GFAP: variants seen among roughly 807,000 people sequenced by gnomAD.
GFAP encodes the protein intermediate filament protein.
GFAP carries 38 observed loss-of-function variants against 49.3 expected under a neutral mutation model. That is an observed-to-expected ratio of 0.77 (90% confidence interval 0.60 to 1.01). The LOEUF is 1.01. GFAP is among the 50% of genes least tolerant of loss of function. The pLI is 0.00. For synonymous variants in GFAP, 222 were observed against 236.4 expected (o/e 0.94, Z 0.56); for missense variants, 463 against 579.1 (o/e 0.80, Z 2.06).
intron 3 of GFAP, 92 bp from the exon 4 acceptor site, chr17:44,913,522 C>A (rs1317030255): frequency 1.4e-6 from 2 of 1,385,136 alleles, no homozygotes; most frequent in African/African-American, 1.4e-5. Flanking sequence ...GCCTGCCCCT[C>A]GGCCAGGAGT....
At chr17:44,907,839 C>T (rs1215345391) in intron 8 of GFAP, 2 of 641,310 alleles carry the variant, frequency 3.1e-6, no homozygotes, top group Admixed American at 2.3e-5. Context: ...GTATTAGGAT[C>T]CCATCTAGTG....
At chr17:44,908,025 G>T (rs201084835) in intron 8 of GFAP, 39 bp downstream of exon 8, 948 of 1,424,670 alleles carry the variant, frequency 6.7e-4, no homozygotes, top group Non-Finnish European at 8.7e-4. Flanking sequence ...GAATCCCTGG[G>T]GCCAGCCAGA....
rs2051671610 is a variant in GFAP, at chr17:44,907,487, C to T, written c.1258-99G>A. ...CTGTGTAACCTTGGGAAGTCCCCGA[C>T]TTCCCAGGTCTTACTTTTCTTGATA... On this transcript the variant is annotated intron_variant, in intron 8 of 8. Transcript: ENST00000588735. 4 of 817,030 alleles carry T rather than the reference C, an allele frequency of 4.9e-6. No individual in the cohort carries two copies. The East Asian group carries it at 1.0e-4, about 21-fold the overall frequency. The allele number at this position is 817,030 out of a possible 1,614,324, so 50.6% of individuals were successfully genotyped here. A position where few individuals can be genotyped will look rare whatever the true frequency, so the allele number is the denominator to read the frequency against.
Position 44,904,304 on chromosome 17 carries a change from G to A in GFAP, c.*3043C>T, listed in dbSNP as rs768237354. 2.1e-5 allele frequency: 33 copies of A among 1,547,468 alleles called. No homozygotes were observed. Among genetic ancestry groups the A allele is most frequent in the Non-Finnish European group, 2.8e-5 (32 of 1,145,462 alleles). On this transcript the variant is annotated 3_prime_UTR_variant, in exon 9 of 9. Transcript: ENST00000588735. ...CCAGGACAAGGGCCAGGAGCCCTTT[G>A]CAGATGAATACTATGGGCACCTCCA... is the stretch of plus-strand genomic sequence containing the variant.
rs2145620328 is a variant in GFAP, at chr17:44,904,696, TC to T, written c.*2650del. On this transcript the variant is annotated 3_prime_UTR_variant, in exon 9 of 9. Transcript: ENST00000588735. ...TGGGCCATGGACTCATCATCTCCTGTCCTGGGGCCCGGCCAGAGCATGCAGT... is the reference window on the plus strand; with the variant it reads ...TGGGCCATGGACTCATCATCTCCTGTCTGGGGCCCGGCCAGAGCATGCAGT... 6.4e-7 allele frequency: 1 copy of T among 1,550,558 alleles called. No homozygotes were observed. The highest frequency in any genetic ancestry group is 2.4e-5 in the East Asian group (1 of 40,922).
In GFAP at chr17:44,907,038, C is replaced by A; in HGVS notation, c.*309G>T. On this transcript the variant is annotated 3_prime_UTR_variant, in exon 9 of 9. Coordinates refer to ENST00000588735, the MANE Select transcript of GFAP (RefSeq NM_002055.5). ...AGGGCGATGTAGTAGGTGCCCCCCG[C>A]CCTCCTCCCCTTCTCTCCTTCCTCC... is the stretch of plus-strand genomic sequence containing the variant. The A allele has an allele frequency of 2.0e-6, 1 of 498,628 alleles. No homozygotes were observed. The allele number at this position is 498,628 out of a possible 1,614,324, so 30.9% of individuals were successfully genotyped here.
At chr17:44,913,531 G>T in intron 3 of GFAP, 101 bp from the exon 4 acceptor site, 1 of 1,287,398 alleles carries the variant, frequency 7.8e-7, no homozygotes. Flanking sequence ...TCGGCCAGGA[G>T]TTCGAATGCT....
At position 44,903,594 on chromosome 17, in the gene GFAP, G is replaced by T. The variant is rs1011221923; in HGVS notation, c.*3753C>A. 1.4e-6 allele frequency: 2 copies of T among 1,403,898 alleles called. No individual in the cohort carries two copies. Among genetic ancestry groups the T allele is most frequent in the Non-Finnish European group, 1.8e-6 (2 of 1,086,016 alleles). The allele number at this position is 1,403,898 out of a possible 1,614,324, so 87.0% of individuals were successfully genotyped here. On this transcript the variant is annotated 3_prime_UTR_variant, in exon 9 of 9. Coordinates refer to ENST00000588735, the MANE Select transcript of GFAP (RefSeq NM_002055.5). ...GGAGTAAAGGCCAGGTTCTAGAATG[G>T]CTTTCCCCCCCCACCCTGAGATCAG...
Position 44,908,021 on chromosome 17 carries a change from C to G in GFAP, c.1257+43G>C, listed in dbSNP as rs751319383. ...CTCCATGGCCTGGCCTTGAGAATCC[C>G]TGGGGCCAGCCAGAGCCTGACTGGG... On this transcript the variant is annotated intron_variant, in intron 8 of 8. Coordinates refer to ENST00000588735, the MANE Select transcript of GFAP (RefSeq NM_002055.5). 12 of 1,401,600 alleles carry G rather than the reference C, an allele frequency of 8.6e-6. No individual in the cohort carries two copies. The Middle Eastern group carries it at 5.3e-4, about 62-fold the overall frequency. 86.8% of individuals were successfully genotyped at this position (1,401,600 alleles called of 1,614,324 possible).
intron 7 of GFAP, 130 bp from the exon 8 acceptor site, chr17:44,908,279 A>G: frequency 1.5e-6 from 1 of 666,712 alleles, no homozygotes; most frequent in Non-Finnish European, 2.7e-6. Context: ...GAGCAGAGAG[A>G]GCCTAGGCTC....
At position 44,908,323 on chromosome 17, in the gene GFAP, T is replaced by C. The variant is rs559775445; in HGVS notation, c.1172-174A>G. 3.3e-5 allele frequency: 13 copies of C among 391,716 alleles called. 1 individual carries two copies. The South Asian group carries it at 3.9e-4, about 12-fold the overall frequency. 24.3% of individuals were successfully genotyped at this position (391,716 alleles called of 1,614,324 possible). A position where few individuals can be genotyped will look rare whatever the true frequency, so the allele number is the denominator to read the frequency against. ...GGGCTGGAGAGCCCCCAAATCCCAA[T>C]AGTGCTGCTGCCAGAGTCCTGGCTG... On this transcript the variant is annotated intron_variant, in intron 7 of 8. Coordinates refer to ENST00000588735, the MANE Select transcript of GFAP (RefSeq NM_002055.5).
chr17:44,904,006 G>A lies in GFAP; in HGVS notation c.*3341C>T, dbSNP rs1015087339. Reference sequence around the variant, plus strand: ...TTCCCTGTCACTGCAAACCCGAAGAGGTGCCAGCTGTAGTCTGGTTCTACC... The same window carrying A: ...TTCCCTGTCACTGCAAACCCGAAGAAGTGCCAGCTGTAGTCTGGTTCTACC... On this transcript the variant is annotated 3_prime_UTR_variant, in exon 9 of 9. Transcript: ENST00000588735. The A allele has an allele frequency of 6.4e-7, 1 of 1,550,660 alleles. No individual in the cohort carries two copies. The highest frequency in any genetic ancestry group is 8.7e-7 in the Non-Finnish European group (1 of 1,147,018).
intron 7 of GFAP, chr17:44,908,356 T>G: frequency 5.2e-5 from 18 of 344,814 alleles, no homozygotes; most frequent in East Asian, 8.5e-5. Context: ...CTGCTCTGTC[T>G]TCTGGCCTGG....
chr17:44,907,033 C>G lies in GFAP; in HGVS notation c.*314G>C, dbSNP rs967570065. 1 of 485,782 alleles carries G rather than the reference C, an allele frequency of 2.1e-6. No individual in the cohort carries two copies. Among genetic ancestry groups the G allele is most frequent in the Non-Finnish European group, 3.8e-6 (1 of 263,490 alleles). The allele number at this position is 485,782 out of a possible 1,614,324, so 30.1% of individuals were successfully genotyped here. A position where few individuals can be genotyped will look rare whatever the true frequency, so the allele number is the denominator to read the frequency against. Reference sequence around the variant, plus strand: ...TGTGGAGGGCGATGTAGTAGGTGCCCCCCGCCCTCCTCCCCTTCTCTCCTT... The same window carrying G: ...TGTGGAGGGCGATGTAGTAGGTGCCGCCCGCCCTCCTCCCCTTCTCTCCTT... On this transcript the variant is annotated 3_prime_UTR_variant, in exon 9 of 9. Transcript: ENST00000588735.
In GFAP at chr17:44,904,083, G is replaced by A. The variant is rs773383135; in HGVS notation, c.*3264C>T. On this transcript the variant is annotated 3_prime_UTR_variant, in exon 9 of 9. Coordinates refer to ENST00000588735, the MANE Select transcript of GFAP (RefSeq NM_002055.5). ...AAAGTGCTGACGGACTTTGATGGGCGGGTGCTGACGGAGGCAGCCCAGGTA... is the reference window on the plus strand; with the variant it reads ...AAAGTGCTGACGGACTTTGATGGGCAGGTGCTGACGGAGGCAGCCCAGGTA... 8.4e-6 allele frequency: 13 copies of A among 1,550,514 alleles called. No homozygotes were observed. The highest frequency in any genetic ancestry group is 4.8e-5 in the South Asian group (4 of 84,060).
Position 44,907,020 on chromosome 17 carries a change from T to C in GFAP, c.*327A>G, listed in dbSNP as rs959177267. Reference sequence around the variant, plus strand: ...CAGGAATCAGGGATGTGGAGGGCGATGTAGTAGGTGCCCCCCGCCCTCCTC... The same window carrying C: ...CAGGAATCAGGGATGTGGAGGGCGACGTAGTAGGTGCCCCCCGCCCTCCTC... On this transcript the variant is annotated 3_prime_UTR_variant, in exon 9 of 9. Transcript: ENST00000588735. 3 of 438,844 alleles carry C rather than the reference T, an allele frequency of 6.8e-6. No homozygotes were observed. Among genetic ancestry groups the C allele is most frequent in the African/African-American group, 6.0e-5 (3 of 50,024 alleles). 27.2% of individuals were successfully genotyped at this position (438,844 alleles called of 1,614,324 possible).
At position 44,906,341 on chromosome 17, in the gene GFAP, C is replaced by G. The variant is rs941305053; in HGVS notation, c.*1006G>C. ...GTCACCCACAACCCCTACTTGTATG[C>G]CTAGCGCCATCCCAATTGCCTCCTC... On this transcript the variant is annotated 3_prime_UTR_variant, in exon 9 of 9. Coordinates refer to ENST00000588735, the MANE Select transcript of GFAP (RefSeq NM_002055.5). The G allele has an allele frequency of 6.5e-6, 1 of 152,722 alleles. No homozygotes were observed. The highest frequency in any genetic ancestry group is 3.4e-3 in the Middle Eastern group (1 of 298). 9.5% of individuals were successfully genotyped at this position (152,722 alleles called of 1,614,324 possible).
rs767862402 is a variant in GFAP, at chr17:44,915,007, T to C, written c.461+19A>G. On this transcript the variant is annotated intron_variant, in intron 1 of 8. Transcript: ENST00000588735. The surrounding 1 kb of genome is among the most constrained non-coding windows in gnomAD (Gnocchi z 4.1). Reference sequence around the variant, plus strand: ...GCCCCTTCTGCTCACAAGGCCCCCCTTCCCCATCCCCTCCTCACTTCTGCC... The same window carrying C: ...GCCCCTTCTGCTCACAAGGCCCCCCCTCCCCATCCCCTCCTCACTTCTGCC... The C allele has an allele frequency of 6.3e-7, 1 of 1,597,472 alleles. No individual in the cohort carries two copies. The highest frequency in any genetic ancestry group is 1.1e-5 in the South Asian group (1 of 90,578).
intron 6 of GFAP, chr17:44,910,972 A>G: frequency 1.7e-6 from 1 of 604,110 alleles, no homozygotes; most frequent in Non-Finnish European, 2.9e-6. Flanking sequence ...GGCTGGGAAG[A>G]TGGGGAGTAT....
Sources: allele counts gnomAD v4.1 joint callset, GRCh38; gene constraint gnomAD v4.1.1; non-coding constraint Gnocchi (gnomAD v3.1); transcripts MANE v1.5; gene names NCBI Gene and HGNC (gene_info 2026-07-23, HGNC 2026-07-21).